PGBD2: variants seen among roughly 807,000 people sequenced by gnomAD.
PGBD2 encodes piggyBac transposable element-derived protein 2.
PGBD2 carries 6 observed loss-of-function variants against 8.1 expected under a neutral mutation model. The observed-to-expected ratio is 0.74, with a 90% CI of 0.40 to 1.46. PGBD2 has a LOEUF of 1.46. Among genes scored for constraint, PGBD2 ranks in the 40% most tolerant of loss-of-function variants. The probability of loss-of-function intolerance (pLI) is 0.02; values close to 1 mark genes in which losing one functional copy is unlikely to be tolerated. For missense variants in PGBD2, 802 were observed against 739.0 expected (o/e 1.09, Z -0.99); for synonymous variants, 318 against 272.2 (o/e 1.17, Z -1.66).
At chr1:248,924,760 A>G (rs926526254), downstream of PGBD2, among the ~76,000 whole-genome samples, 3 of 152,222 alleles carry the variant, frequency 2.0e-5, no homozygotes, top group Admixed American at 6.5e-5. Context: ...TGTGAGCACC[A>G]TGTAGCTGAT....
the PGBD2 span, among the ~76,000 whole-genome samples, chr1:248,873,958 A>T: frequency 6.6e-6 from 1 of 152,138 alleles, no homozygotes; most frequent in Non-Finnish European, 1.5e-5. Flanking sequence ...CCCACTTCTG[A>T]CACATTCGTT....
At chr1:248,903,440 C>G (rs145431066), upstream of PGBD2, among the ~76,000 whole-genome samples, 321 of 152,330 alleles carry the variant, frequency 2.1e-3, no homozygotes, top group African/African-American at 7.5e-3. Flanking sequence ...TCTCCCACCT[C>G]AGGCTTCCAA....
At chr1:248,889,677 T>C in the PGBD2 span, among the ~76,000 whole-genome samples, 3 of 152,052 alleles carry the variant, frequency 2.0e-5, no homozygotes, top group Admixed American at 2.0e-4. Context: ...GTCTCTTAGG[T>C]AACTGCCAAA....
Position 248,914,557 on chromosome 1 carries a change from C to T in PGBD2, c.17+678C>T, listed in dbSNP as rs763199184. 4.5e-5 allele frequency: 58 copies of T among 1,289,102 alleles called. No homozygotes were observed. The South Asian group carries it at 7.2e-4, about 16-fold the overall frequency. The allele number at this position is 1,289,102 out of a possible 1,614,324, so 79.9% of individuals were successfully genotyped here. A position where few individuals can be genotyped will look rare whatever the true frequency, so the allele number is the denominator to read the frequency against. Reference sequence around the variant, plus strand: ...CAGCCTGAACTCCAAAGTCCATGGGCAGGTCTGTACTGATGCAGCTTCTGT... The same window carrying T: ...CAGCCTGAACTCCAAAGTCCATGGGTAGGTCTGTACTGATGCAGCTTCTGT... On this transcript the variant is annotated intron_variant, in intron 2 of 2. Coordinates refer to ENST00000329291, the MANE Select transcript of PGBD2 (RefSeq NM_170725.3).
chr1:248,916,734 T>C lies in PGBD2; in HGVS notation c.150T>C (p.Ala50=). ...TTTTCATTGCACCTCCCGACAATGC[T>C]GCGGGGGAATTCACTGATGAGGACT... ...EEIFIAPPDN[A]AGEFTDEDSG... is the part of the protein sequence containing the mutation. The change falls in exon 3 of 3, where the codon GCT becomes GCC. Residue 50 remains alanine (A), a synonymous_variant. Transcript: ENST00000329291. 1 of 1,614,166 alleles carries C rather than the reference T, an allele frequency of 6.2e-7. No individual in the cohort carries two copies. Among genetic ancestry groups the C allele is most frequent in the Non-Finnish European group, 8.5e-7 (1 of 1,180,024 alleles).
At chr1:248,912,548 C>T (rs1572275802) in intron 1 of PGBD2, 1 of 152,228 alleles carries the variant, frequency 6.6e-6, no homozygotes, top group Non-Finnish European at 1.5e-5. Context: ...TGCTCACTTG[C>T]TAAAAGGGTT....
chr1:248,908,946 G>C (rs995267087), intron 1 of PGBD2, among the ~76,000 whole-genome samples: 1 of 152,056 alleles, frequency 6.6e-6, no homozygotes, highest in African/African-American at 2.4e-5. Context: ...TCCCTGACTA[G>C]ATCAGTTTCC....
chr1:248,888,353 C>A, the PGBD2 span, among the ~76,000 whole-genome samples: 1 of 152,208 alleles, frequency 6.6e-6, no homozygotes, highest in Non-Finnish European at 1.5e-5. Context: ...AGGGGCTGAA[C>A]TAATTTACAT....
At chr1:248,911,647 G>C (rs1487597794) in intron 1 of PGBD2, among the ~76,000 whole-genome samples, 3 of 147,836 alleles carry the variant, frequency 2.0e-5, no homozygotes, top group East Asian at 1.9e-4. Context: ...CCTCCCAGAC[G>C]GGGCGGCTGG....
chr1:248,883,110 T>C, the PGBD2 span, among the ~76,000 whole-genome samples: 2 of 152,112 alleles, frequency 1.3e-5, no homozygotes, highest in African/African-American at 2.4e-5. Context: ...TTAAAGAATT[T>C]CTTTGTTTGT....
chr1:248,911,093 C>T (rs999130497), intron 1 of PGBD2, among the ~76,000 whole-genome samples: 5 of 151,702 alleles, frequency 3.3e-5, no homozygotes, highest in African/African-American at 1.2e-4. Context: ...GGTTAGCTTA[C>T]ATTTTCTAGG....
At chr1:248,929,742 G>C in the PGBD2 span, among the ~76,000 whole-genome samples, 1 of 152,170 alleles carries the variant, frequency 6.6e-6, no homozygotes, top group Admixed American at 6.5e-5. Flanking sequence ...GCGAGTTAAA[G>C]GTGTTTCCCC....
the PGBD2 span, among the ~76,000 whole-genome samples, chr1:248,899,721 C>CAGAGT: frequency 6.8e-6 from 1 of 146,776 alleles, no homozygotes; most frequent in Admixed American, 6.8e-5. Context: ...TAACCAAGAT[C>CAGAGT]AGAGTAGAAA....
chr1:248,917,204 C>G lies in PGBD2; in HGVS notation c.620C>G (p.Ser207Ter), dbSNP rs1390541630. 2 of 1,614,140 alleles carry G rather than the reference C, an allele frequency of 1.2e-6. No individual in the cohort carries two copies. Among genetic ancestry groups the G allele is most frequent in the Non-Finnish European group, 1.7e-6 (2 of 1,180,028 alleles). The change falls in exon 3 of 3, where the codon TCA becomes TGA. Residue 207 changes from serine (S) to a stop codon, truncating the protein, a stop_gained. Transcript: ENST00000329291. LOFTEE classifies it low-confidence loss of function (END_TRUNC). Reference protein sequence around the residue: ...RRMFWETSPDSHHHLVADAIR... With the variant: ...RRMFWETSPD ...ATGTTCTGGGAAACCTCTCCCGATTCACATCATCATCTTGTGGCTGATGCA... is the reference window on the plus strand; with the variant it reads ...ATGTTCTGGGAAACCTCTCCCGATTGACATCATCATCTTGTGGCTGATGCA...
At chr1:248,874,740 C>T in the PGBD2 span, among the ~76,000 whole-genome samples, 1 of 152,122 alleles carries the variant, frequency 6.6e-6, no homozygotes, top group Non-Finnish European at 1.5e-5. Context: ...AGGTACTTCT[C>T]CCTCACCCCA....
At chr1:248,900,629 A>C in the PGBD2 span, among the ~76,000 whole-genome samples, 1 of 152,378 alleles carries the variant, frequency 6.6e-6, no homozygotes, top group African/African-American at 2.4e-5. Context: ...ACCCACAGTC[A>C]ATAGCATACT....
the PGBD2 span, among the ~76,000 whole-genome samples, chr1:248,880,358 T>C: frequency 4.6e-5 from 7 of 152,218 alleles, no homozygotes; most frequent in African/African-American, 1.7e-4. Flanking sequence ...TTGTTGCCAG[T>C]CAGATGCTTA....
At chr1:248,890,222 G>A in the PGBD2 span, among the ~76,000 whole-genome samples, 3 of 152,032 alleles carry the variant, frequency 2.0e-5, no homozygotes, top group South Asian at 2.1e-4. Flanking sequence ...CTCTGCACCC[G>A]GCCTGAATCC....
chr1:248,914,700 C>A, intron 2 of PGBD2: 1 of 927,262 alleles, frequency 1.1e-6, no homozygotes, highest in Non-Finnish European at 1.5e-6. Context: ...TGAGTCCATT[C>A]TCATAGCCAG....
Sources: allele counts gnomAD v4.1 joint callset (sites outside exome capture counted in the v4.1 genomes callset), GRCh38; gene constraint gnomAD v4.1.1; transcripts MANE v1.5; gene names NCBI Gene and HGNC (gene_info 2026-07-23, HGNC 2026-07-21).